The following SEMA3D variants were observed in gnomAD, a reference collection of about 807,000 sequenced individuals.
SEMA3D encodes semaphorin-3D.
SEMA3D carries 84 observed loss-of-function variants against 100.1 expected under a neutral mutation model. That is an observed-to-expected ratio of 0.84 (90% CI 0.70 to 1.01). The LOEUF (loss-of-function observed/expected upper bound fraction) is 1.01. SEMA3D is among the 50% of genes least tolerant of loss of function. The pLI is 0.00. For missense variants in SEMA3D, 875 were observed against 934.1 expected (o/e 0.94, Z 0.82); for synonymous variants, 312 against 320.7 (o/e 0.97, Z 0.29).
chr7:85,163,125 T>C (rs1354782134), intron 1 of SEMA3D: 2 of 300,390 alleles, frequency 6.7e-6, no homozygotes, highest in African/African-American at 4.5e-5. Context: ...AAAAGGCACT[T>C]GGAAAGTGGC....
intron 1 of SEMA3D, among the ~76,000 whole-genome samples, chr7:85,183,834 C>T (rs1410197883): frequency 6.6e-6 from 1 of 152,128 alleles, no homozygotes; most frequent in Non-Finnish European, 1.5e-5. Context: ...CCAGAGTGAA[C>T]TACAAAAGTG....
chr7:85,106,023 G>A (rs892112855), intron 3 of SEMA3D, among the ~76,000 whole-genome samples: 1 of 152,044 alleles, frequency 6.6e-6, no homozygotes, highest in Non-Finnish European at 1.5e-5. Context: ...TAGTTACGGA[G>A]TAAATTCATA....
intron 4 of SEMA3D, among the ~76,000 whole-genome samples, chr7:85,091,345 A>T (rs1331035501): frequency 1.3e-5 from 2 of 152,090 alleles, no homozygotes; most frequent in African/African-American, 4.8e-5. Context: ...CCTGGTTTAG[A>T]GACTTGTTCC....
At chr7:85,168,425 T>C (rs1383875465) in intron 1 of SEMA3D, among the ~76,000 whole-genome samples, 1 of 151,948 alleles carries the variant, frequency 6.6e-6, no homozygotes, top group South Asian at 2.1e-4. Flanking sequence ...TTGATGTAAA[T>C]GTCAACAATT....
intron 11 of SEMA3D, among the ~76,000 whole-genome samples, 185 bp downstream of exon 11, chr7:85,040,488 G>GA (rs150253128): frequency 0.042 from 6,365 of 150,202 alleles, 459 homozygotes; most frequent in African/African-American, 0.15. Flanking sequence ...GGCTTAAAAA[G>GA]AAAAAAAAGA....
rs781507228 is a variant in SEMA3D, at chr7:85,121,779, A to G, written c.113T>C (p.Leu38Ser). 1.8e-5 allele frequency: 29 copies of G among 1,606,236 alleles called. 1 individual carries two copies. The Middle Eastern group carries it at 2.5e-3, about 137-fold the overall frequency. ...TMLFLPVTGTLKQNIPRLKLT... is the reference protein window; with the variant it reads ...TMLFLPVTGTSKQNIPRLKLT... ...CTTGAGTCTTGGAATATTTTGCTTC[A>G]AAGTGCCAGTGACTGGAAGAAACAA... The change falls in exon 3 of 19, where the codon TTG becomes TCG. Residue 38 changes from leucine to serine, a missense_variant. Leu to Ser is a moderately radical substitution (Grantham distance 145). Transcript: ENST00000284136.
the SEMA3D span, among the ~76,000 whole-genome samples, chr7:85,214,224 G>A: frequency 4.6e-5 from 7 of 152,248 alleles, no homozygotes; most frequent in African/African-American, 1.7e-4. Flanking sequence ...TCTTTAGAGT[G>A]AAATAACTAA....
At chr7:85,200,401 G>A in the SEMA3D span, among the ~76,000 whole-genome samples, 1 of 152,098 alleles carries the variant, frequency 6.6e-6, no homozygotes, top group African/African-American at 2.4e-5. Flanking sequence ...TGGAGCAAAG[G>A]TGACTCTTGT....
chr7:85,229,700 C>T, the SEMA3D span, among the ~76,000 whole-genome samples: 1 of 152,074 alleles, frequency 6.6e-6, no homozygotes, highest in Non-Finnish European at 1.5e-5. Flanking sequence ...AAATTCCCTT[C>T]TAATAATAGA....
At position 85,013,688 on chromosome 7, in the gene SEMA3D, T is replaced by C. The variant is rs145393156; in HGVS notation, c.1704-842A>G. On this transcript the variant is annotated intron_variant, in intron 16 of 18. Coordinates refer to ENST00000284136, the MANE Select transcript of SEMA3D (RefSeq NM_001384900.1). ...AACAGATGACAACAGATGACAAGAT[T>C]CATCCATTATACACATCTTTTGGCT... Among the ~76,000 whole-genome samples the C allele has an allele frequency of 4.0e-5, 6 of 151,868 alleles. No homozygotes were observed. In the East Asian group the frequency reaches 7.8e-4, roughly 20 times the overall value.
chr7:85,188,099 T>C (rs1791613544), upstream of SEMA3D, among the ~76,000 whole-genome samples: 1 of 152,192 alleles, frequency 6.6e-6, no homozygotes, highest in Non-Finnish European at 1.5e-5. Flanking sequence ...GATTTGGAGA[T>C]GGTGAACAGA....
At chr7:85,027,098 G>A (rs138267387) in intron 12 of SEMA3D, among the ~76,000 whole-genome samples, 2 of 152,022 alleles carry the variant, frequency 1.3e-5, no homozygotes, top group Non-Finnish European at 1.5e-5. Flanking sequence ...ACCAAGCTCA[G>A]GCATGGCAGT....
intron 1 of SEMA3D, among the ~76,000 whole-genome samples, chr7:85,159,498 A>G (rs1158015586): frequency 6.6e-6 from 1 of 152,136 alleles, no homozygotes; most frequent in East Asian, 1.9e-4. Flanking sequence ...GTCATATACA[A>G]ACCACATGTG....
chr7:85,225,731 T>A, the SEMA3D span, among the ~76,000 whole-genome samples: 1 of 151,992 alleles, frequency 6.6e-6, no homozygotes, highest in African/African-American at 2.4e-5. Flanking sequence ...GACACTGCTG[T>A]GGGGTCAGAG....
intron 7 of SEMA3D, 88 bp downstream of exon 7, chr7:85,068,103 C>A: frequency 1.3e-6 from 1 of 779,714 alleles, no homozygotes; most frequent in Non-Finnish European, 2.2e-6. Flanking sequence ...AAAAAATTAC[C>A]TTTAACTCAA....
the SEMA3D span, among the ~76,000 whole-genome samples, chr7:85,212,229 A>G: frequency 6.6e-6 from 1 of 152,070 alleles, no homozygotes; most frequent in African/African-American, 2.4e-5. Context: ...CTTTCCTTCC[A>G]GTATAGGGAG....
the SEMA3D span, among the ~76,000 whole-genome samples, chr7:85,244,296 C>G: frequency 6.6e-6 from 1 of 152,256 alleles, no homozygotes; most frequent in African/African-American, 2.4e-5. Context: ...AGTGAGGACT[C>G]GCTCACTCCT....
intron 12 of SEMA3D, among the ~76,000 whole-genome samples, chr7:85,033,395 T>C (rs1266497514): frequency 2.0e-5 from 3 of 152,136 alleles, no homozygotes; most frequent in Non-Finnish European, 4.4e-5. Flanking sequence ...GTGAGTTCTC[T>C]TTAAGCCTCG....
the SEMA3D span, among the ~76,000 whole-genome samples, chr7:85,241,681 G>A: frequency 1.3e-5 from 2 of 150,994 alleles, no homozygotes; most frequent in African/African-American, 4.9e-5. Context: ...GGAAAGGGTA[G>A]GAAGGGTGTG....
Sources: allele counts gnomAD v4.1 joint callset (sites outside exome capture counted in the v4.1 genomes callset), GRCh38; gene constraint gnomAD v4.1.1; transcripts MANE v1.5; gene names NCBI Gene and HGNC (gene_info 2026-07-23, HGNC 2026-07-21).